Variants in ANKRD26 observed in about 807,000 individuals in gnomAD.
ANKRD26 encodes ankyrin repeat domain-containing protein 26.
In ANKRD26, 141 loss-of-function variants were observed where a neutral mutation model predicts 208.7. That is an observed-to-expected ratio of 0.68 (90% confidence interval 0.59 to 0.78). ANKRD26 has a LOEUF of 0.78. Among genes scored for constraint, ANKRD26 ranks in the 30% least tolerant of loss-of-function variants. ANKRD26 has a pLI of 0.00. For synonymous variants in ANKRD26, 636 were observed against 660.4 expected (o/e 0.96, Z 0.57); for missense variants, 1,889 against 1,938.7 (o/e 0.97, Z 0.48).
chr10:27,041,826 A>G (rs1470493315), intron 20 of ANKRD26, among the ~76,000 whole-genome samples: 3 of 152,198 alleles, frequency 2.0e-5, no homozygotes, highest in Non-Finnish European at 4.4e-5. Flanking sequence ...AAAACTTTCT[A>G]AACTTAATAA....
intron 6 of ANKRD26, chr10:27,079,886 G>A (rs1236839976): frequency 3.1e-5 from 5 of 161,000 alleles, no homozygotes; most frequent in South Asian, 3.0e-4. Flanking sequence ...GGCTGGGCAC[G>A]GTGGCTCATC....
At chr10:26,980,393 C>T (rs2052289512) in intron 5 of ANKRD26, among the ~76,000 whole-genome samples, 1 of 152,204 alleles carries the variant, frequency 6.6e-6, no homozygotes, top group Admixed American at 6.5e-5. Context: ...TTAGCTTTAG[C>T]ATCCAAAACC....
intron 17 of ANKRD26, among the ~76,000 whole-genome samples, chr10:27,047,590 C>T (rs898773642): frequency 2.0e-5 from 3 of 151,778 alleles, no homozygotes; most frequent in Non-Finnish European, 4.4e-5. Flanking sequence ...CACTGCACTC[C>T]AGCCTAGGCA....
At position 27,024,520 on chromosome 10, in the gene ANKRD26, A is replaced by C. The variant is rs538905601; in HGVS notation, c.4012T>G (p.Leu1338Val). 1 of 1,585,978 alleles carries C rather than the reference A, an allele frequency of 6.3e-7. No individual in the cohort carries two copies. Among genetic ancestry groups the C allele is most frequent in the South Asian group, 1.1e-5 (1 of 89,098 alleles). ...EKEQLKKLME[L>V]KQSLECNLDQ... ...AAATTACATTCCAGTGACTGTTTTA[A>C]TTCCATAAGTTTCTTTAATTGTTCC... Residue 1338 changes from leucine to valine, a missense_variant, in exon 28 of 34, where the codon TTA (leucine) becomes GTA (valine). This residue lies in a region of ANKRD26 where 613 missense variants were observed against 648.2 expected (regional missense o/e 0.95). Coordinates refer to ENST00000376087, the MANE Select transcript of ANKRD26 (RefSeq NM_014915.3).
intron 5 of ANKRD26, among the ~76,000 whole-genome samples, chr10:26,979,266 A>G (rs2052273264): frequency 6.6e-6 from 1 of 152,206 alleles, no homozygotes; most frequent in African/African-American, 2.4e-5. Context: ...ATCAATATCC[A>G]AAGATGCTAT....
chr10:26,986,510 A>C (rs1161443186), intron 3 of ANKRD26, among the ~76,000 whole-genome samples: 1 of 152,250 alleles, frequency 6.6e-6, no homozygotes, highest in African/African-American at 2.4e-5. Context: ...GAATGGGAGA[A>C]AATTTTTGCA....
At position 27,053,385 on chromosome 10, in the gene ANKRD26, G is replaced by A. The variant is rs565123085; in HGVS notation, c.1570C>T (p.His524Tyr). 6.2e-7 allele frequency: 1 copy of A among 1,609,780 alleles called. No homozygotes were observed. Among genetic ancestry groups the A allele is most frequent in the South Asian group, 1.1e-5 (1 of 90,450 alleles). The change falls in exon 16 of 34, where the codon CAT becomes TAT. Residue 524 changes from histidine (H) to tyrosine (Y), a missense_variant. His to Tyr is a moderately conservative substitution (Grantham distance 83). Around this residue, in one of 3 missense-constraint regions of ANKRD26, gnomAD observed 1,272 missense variants for 1,273.8 expected, o/e 1.00. Coordinates refer to ENST00000376087, the MANE Select transcript of ANKRD26 (RefSeq NM_014915.3). ...TCTTCTGATGCTACTTCTAAGTCAT[G>A]TTCAGCTGAAAAAATCCAAATATTT... ...KDVQTSKAAE[H>Y]DLEVASEEEQ...
Position 27,034,862 on chromosome 10 carries a change from TAAC to T in ANKRD26, c.3585_3587del (p.Leu1196del). 6 of 1,613,342 alleles carry T rather than the reference TAAC, an allele frequency of 3.7e-6. No individual in the cohort carries two copies. The highest frequency in any genetic ancestry group is 5.1e-6 in the Non-Finnish European group (6 of 1,179,806). On this transcript the variant is annotated inframe_deletion, in exon 24 of 34. Coordinates refer to ENST00000376087, the MANE Select transcript of ANKRD26 (RefSeq NM_014915.3). ...CTTTTAAGTGATTACATTCACTGAT[TAAC>T]TCCTTATTTCTTTCTTCTAGCAGAA... is the stretch of plus-strand genomic sequence containing the variant.
chr10:27,099,085 G>A (rs373300143), intron 1 of ANKRD26, among the ~76,000 whole-genome samples: 2 of 152,074 alleles, frequency 1.3e-5, no homozygotes, highest in African/African-American at 4.8e-5. Flanking sequence ...CTGCCTCCCA[G>A]GTTCAAGCGA....
downstream of ANKRD26, among the ~76,000 whole-genome samples, chr10:26,991,716 C>T (rs140946358): frequency 9.2e-5 from 14 of 152,310 alleles, no homozygotes; most frequent in East Asian, 9.6e-4. Context: ...GCTGGGATTA[C>T]GGGTGTGAAC....
intron 3 of ANKRD26, among the ~76,000 whole-genome samples, chr10:26,984,193 G>C (rs555876029): frequency 6.6e-6 from 1 of 152,326 alleles, no homozygotes; most frequent in South Asian, 2.1e-4. Context: ...GCAATTGCCA[G>C]TATCCCTAGG....
At chr10:27,036,395 T>C (rs1290187026) in intron 23 of ANKRD26, among the ~76,000 whole-genome samples, 1 of 151,978 alleles carries the variant, frequency 6.6e-6, no homozygotes, top group African/African-American at 2.4e-5. Flanking sequence ...TCTGACTCTA[T>C]TTATAGTGTT....
In ANKRD26 at chr10:27,029,142, G is replaced by A. The variant is rs142617940; in HGVS notation, c.3878+144C>T. The A allele has an allele frequency of 5.0e-5, 56 of 1,113,884 alleles. 1 individual carries two copies. The highest frequency in any genetic ancestry group is 4.1e-4 in the African/African-American group (26 of 63,206). 69.0% of individuals were successfully genotyped at this position (1,113,884 alleles called of 1,614,324 possible). On this transcript the variant is annotated intron_variant, in intron 26 of 33. Coordinates refer to ENST00000376087, the MANE Select transcript of ANKRD26 (RefSeq NM_014915.3). ...ATTCTAGGATAATATAAAAAAATCC[G>A]CATTTCAAAATTGCTTAATGCTGAA...
chr10:27,057,806 G>A (rs573625290), intron 15 of ANKRD26, among the ~76,000 whole-genome samples: 5 of 152,020 alleles, frequency 3.3e-5, no homozygotes, highest in East Asian at 3.9e-4. Flanking sequence ...CCTTGTTGGC[G>A]CGCGCCTGTA....
At chr10:27,029,399 G>A in intron 25 of ANKRD26, 43 bp from the exon 26 acceptor site, 2 of 1,560,820 alleles carry the variant, frequency 1.3e-6, no homozygotes, top group Non-Finnish European at 1.8e-6. Flanking sequence ...TAATAATCTA[G>A]TACACATCTG....
At chr10:26,963,869 T>C in the ANKRD26 span, among the ~76,000 whole-genome samples, 2 of 151,446 alleles carry the variant, frequency 1.3e-5, no homozygotes, top group African/African-American at 4.9e-5. Flanking sequence ...GTTATTTTTA[T>C]TGGTTTTTGT....
chr10:26,987,175 C>T (rs2052403619), downstream of ANKRD26, among the ~76,000 whole-genome samples: 1 of 151,752 alleles, frequency 6.6e-6, no homozygotes, highest in African/African-American at 2.4e-5. Flanking sequence ...CAAACTATTG[C>T]AAGGACAAAA....
intron 4 of ANKRD26, among the ~76,000 whole-genome samples, chr10:27,091,676 G>A (rs1803420570): frequency 6.6e-6 from 1 of 152,132 alleles, no homozygotes; most frequent in Non-Finnish European, 1.5e-5. Flanking sequence ...CCATAAAAGG[G>A]TGAAGAAGTT....
chr10:27,051,263 A>G (rs2054649059), intron 16 of ANKRD26: 1 of 1,289,528 alleles, frequency 7.8e-7, no homozygotes, highest in Admixed American at 2.3e-5. Context: ...TGCAATGATC[A>G]TATAATGGCT....
Sources: gnomAD v4.1 joint callset for allele counts (sites outside exome capture counted in the v4.1 genomes callset) on GRCh38, gnomAD v4.1.1 for gene constraint, gnomAD v4.1.1 regional missense constraint, MANE v1.5 for transcripts, NCBI Gene and HGNC (gene_info 2026-07-23, HGNC 2026-07-21) for gene names.